The following USP18 variants were observed in gnomAD, a reference collection of about 807,000 sequenced individuals.
USP18 encodes the protein ubiquitin specific peptidase 18.
USP18 carries 11 observed loss-of-function variants against 48.7 expected under a neutral mutation model. The observed-to-expected ratio is 0.23, with a 90% CI of 0.14 to 0.37. USP18 has a LOEUF of 0.37. Ranked by LOEUF, USP18 falls within the 10% of genes least tolerant of loss-of-function variation. USP18 has a pLI of 1.00. For synonymous variants in USP18, 114 were observed against 163.2 expected (o/e 0.70, Z 2.30); for missense variants, 285 against 436.4 (o/e 0.65, Z 3.09).
At chr22:18,166,987 C>T (rs529744422) in intron 4 of USP18, among the ~76,000 whole-genome samples, 40 of 152,138 alleles carry the variant, frequency 2.6e-4, no homozygotes, top group African/African-American at 9.2e-4. Flanking sequence ...GATCCTCCCA[C>T]CTTGGCCTCC....
intron 4 of USP18, among the ~76,000 whole-genome samples, chr22:18,162,697 C>T (rs539406964): frequency 6.6e-6 from 1 of 151,648 alleles, no homozygotes; most frequent in South Asian, 2.1e-4. Flanking sequence ...GAAAATGCAT[C>T]AGAAGGTGAA....
rs183984807 is a variant in USP18, at chr22:18,157,495, G to A, written c.-106-63G>A. 1.9e-5 allele frequency: 16 copies of A among 838,254 alleles called. No individual in the cohort carries two copies. In the East Asian group the frequency reaches 3.8e-4, roughly 20 times the overall value. The allele number at this position is 838,254 out of a possible 1,614,324, so 51.9% of individuals were successfully genotyped here. On this transcript the variant is annotated intron_variant, in intron 1 of 10. Coordinates refer to ENST00000215794, the MANE Select transcript of USP18 (RefSeq NM_017414.4). Reference sequence around the variant, plus strand: ...AAGACCTGCTCTTTGGCATCAGAACGGATTACATGAATACACATTCCTCCT... The same window carrying A: ...AAGACCTGCTCTTTGGCATCAGAACAGATTACATGAATACACATTCCTCCT...
chr22:18,173,009 G>A (rs1929677159), intron 8 of USP18, 141 bp from the exon 9 acceptor site: 3 of 1,477,158 alleles, frequency 2.0e-6, no homozygotes, highest in Non-Finnish European at 1.8e-6. Context: ...CCCTCCTGGA[G>A]GGTGCCCACT....
In USP18 at chr22:18,150,230, C is replaced by T. The variant is rs777526331; in HGVS notation, c.-107+8C>T. On this transcript the variant is annotated splice_region_variant and intron_variant, in intron 1 of 10. Transcript: ENST00000215794. ...GCTTGCATGGCGCTTGAGGCAAGTT[C>T]GGGGCTCATTTTGGAAGTTTTCTTT... The T allele has an allele frequency of 6.6e-6, 1 of 152,226 alleles. No homozygotes were observed. Among genetic ancestry groups the T allele is most frequent in the South Asian group, 2.1e-4 (1 of 4,834 alleles). The allele number at this position is 152,226 out of a possible 1,614,324, so 9.4% of individuals were successfully genotyped here.
rs2123742920 is a variant in USP18 at position 18,173,274 on chromosome 22, T to A, written c.1016T>A (p.Ile339Asn). The change falls in exon 9 of 11, where the codon ATT (isoleucine) becomes AAT (asparagine). Residue 339 changes from isoleucine to asparagine, a missense_variant. Physicochemically the swap from Ile to Asn is moderately radical, Grantham distance 149. This residue lies in a region of USP18 where 44 missense variants were observed against 64.4 expected (regional missense o/e 0.68). Transcript: ENST00000215794. ...TGGTTCTGCTTCAATGACTCCAATA[T>A]TTGCTTGGTAAGAAACATCATCCAC... is the stretch of plus-strand genomic sequence containing the variant. The part of the protein sequence containing the change: ...GKWFCFNDSN[I>N]CLVSWEDIQC... 1 of 1,566,830 alleles carries A rather than the reference T, an allele frequency of 6.4e-7. No individual in the cohort carries two copies. The highest frequency in any genetic ancestry group is 1.2e-5 in the South Asian group (1 of 81,434).
chr22:18,152,835 A>G (rs1284916509), intron 1 of USP18, among the ~76,000 whole-genome samples: 1 of 152,032 alleles, frequency 6.6e-6, no homozygotes. Context: ...TGCTCAAATG[A>G]TCTGCTCCAT....
intron 6 of USP18, among the ~76,000 whole-genome samples, chr22:18,169,633 C>T (rs893260452): frequency 1.8e-4 from 28 of 152,150 alleles, no homozygotes; most frequent in African/African-American, 6.0e-4. Context: ...CTTGGCCTTC[C>T]GCCATGATTG....
At chr22:18,164,065 C>A (rs1199358518) in intron 4 of USP18, among the ~76,000 whole-genome samples, 3 of 152,252 alleles carry the variant, frequency 2.0e-5, no homozygotes, top group African/African-American at 7.2e-5. Flanking sequence ...CTCTTTGTCA[C>A]CCCCAGGGGC....
chr22:18,152,122 C>T (rs143074211), intron 1 of USP18, among the ~76,000 whole-genome samples: 6 of 152,246 alleles, frequency 3.9e-5, no homozygotes, highest in Non-Finnish European at 7.4e-5. Flanking sequence ...ATCGAGACTG[C>T]GGTCTACAAT....
In USP18 at chr22:18,168,043, G is replaced by A; in HGVS notation, c.627+7G>A. 3.7e-6 allele frequency: 6 copies of A among 1,613,830 alleles called. No homozygotes were observed. The highest frequency in any genetic ancestry group is 5.1e-6 in the Non-Finnish European group (6 of 1,179,844). ...AAAGCCCCTGAAGACACTGGTAAGG[G>A]GATTCTCTTGGTATTTGCTGCCCCT... On this transcript the variant is annotated splice_region_variant and intron_variant, in intron 6 of 10. Coordinates refer to ENST00000215794, the MANE Select transcript of USP18 (RefSeq NM_017414.4).
chr22:18,165,023 C>T (rs1287215679), intron 4 of USP18, among the ~76,000 whole-genome samples: 3 of 150,366 alleles, frequency 2.0e-5, no homozygotes, highest in Admixed American at 6.6e-5. Flanking sequence ...AGGCCTCTCT[C>T]AGCTGGTTTC....
chr22:18,162,475 G>A (rs1343981839), intron 4 of USP18, among the ~76,000 whole-genome samples: 4 of 149,834 alleles, frequency 2.7e-5, no homozygotes, highest in Admixed American at 6.7e-5. Context: ...GTTTTCCCTT[G>A]TGTATAATAC....
chr22:18,153,429 C>CAAAAAAA (rs773524805), intron 1 of USP18, among the ~76,000 whole-genome samples: 3 of 126,392 alleles, frequency 2.4e-5, no homozygotes, highest in Admixed American at 8.5e-5. Flanking sequence ...AATTCCATCT[C>CAAAAAAA]AAAAAAAAAA....
chr22:18,157,389 A>G (rs778597928), intron 1 of USP18, among the ~76,000 whole-genome samples, 169 bp from the exon 2 acceptor site: 3 of 152,220 alleles, frequency 2.0e-5, no homozygotes, highest in Non-Finnish European at 4.4e-5. Context: ...CCTGGGACCC[A>G]GGTTAGGGGA....
At chr22:18,168,199 A>G (rs8139379) in intron 6 of USP18, among the ~76,000 whole-genome samples, 163 bp downstream of exon 6, 61,394 of 151,822 alleles carry the variant, frequency 0.4, 13,498 homozygotes, top group African/African-American at 0.59. Context: ...TGCTGGTGGG[A>G]ACTCTCAGAG....
At chr22:18,166,389 A>G (rs1330259820) in intron 4 of USP18, among the ~76,000 whole-genome samples, 1 of 152,134 alleles carries the variant, frequency 6.6e-6, no homozygotes, top group Non-Finnish European at 1.5e-5. Flanking sequence ...TGAACATATT[A>G]TAACGGCTAA....
chr22:18,163,502 G>A (rs1929385029), intron 4 of USP18, among the ~76,000 whole-genome samples: 2 of 152,002 alleles, frequency 1.3e-5, no homozygotes, highest in Non-Finnish European at 2.9e-5. Flanking sequence ...AATTAGCTGG[G>A]CGTGGTGGCG....
intron 5 of USP18, 103 bp downstream of exon 5, chr22:18,167,437 C>A: frequency 7.3e-7 from 1 of 1,362,880 alleles, no homozygotes; most frequent in South Asian, 1.3e-5. Context: ...GAGTTAATCC[C>A]CTGTAATCCC....
rs533218384 is a variant in USP18 at position 18,154,048 on chromosome 22, C to T, written c.-106-3510C>T. On this transcript the variant is annotated intron_variant, in intron 1 of 10. Transcript: ENST00000215794. ...CATGAGAGTGCAAATATCTCTTCAACATACTGATTCCCTTTCCTTTGGATA... is the reference window on the plus strand; with the variant it reads ...CATGAGAGTGCAAATATCTCTTCAATATACTGATTCCCTTTCCTTTGGATA... Among the ~76,000 whole-genome samples the T allele has an allele frequency of 2.6e-5, 4 of 151,270 alleles. No homozygotes were observed. In the Admixed American group the frequency reaches 2.7e-4, roughly 10 times the overall value.
Sources: gnomAD v4.1 joint callset for allele counts (sites outside exome capture counted in the v4.1 genomes callset) on GRCh38, gnomAD v4.1.1 for gene constraint, gnomAD v4.1.1 regional missense constraint, MANE v1.5 for transcripts, NCBI Gene and HGNC (gene_info 2026-07-23, HGNC 2026-07-21) for gene names.